Variants in POFUT3 observed in about 807,000 individuals in gnomAD.
POFUT3 encodes GDP-fucose protein O-fucosyltransferase 3.
At chr8:33,433,211 G>A in the POFUT3 span, among the ~76,000 whole-genome samples, 2 of 151,664 alleles carry the variant, frequency 1.3e-5, no homozygotes, top group Admixed American at 1.3e-4. Context: ...TTCACCTTGG[G>A]CAACCGAGTG....
chr8:33,464,953 C>T, the POFUT3 span, among the ~76,000 whole-genome samples: 7 of 152,124 alleles, frequency 4.6e-5, no homozygotes, highest in African/African-American at 1.2e-4. Context: ...TACCTTTGCT[C>T]CTACTTAGTA....
chr8:33,441,822 T>C, the POFUT3 span, among the ~76,000 whole-genome samples: 1 of 152,326 alleles, frequency 6.6e-6, no homozygotes, highest in East Asian at 1.9e-4. Context: ...TCGGAGAATA[T>C]GCCTAGACCT....
At chr8:33,465,209 A>G in the POFUT3 span, among the ~76,000 whole-genome samples, 1 of 152,196 alleles carries the variant, frequency 6.6e-6, no homozygotes, top group African/African-American at 2.4e-5. Flanking sequence ...CAGATTATGT[A>G]GTAAAATAAT....
chr8:33,347,460 A>G, the POFUT3 span, among the ~76,000 whole-genome samples: 1 of 152,202 alleles, frequency 6.6e-6, no homozygotes. Flanking sequence ...AGGCATTGGC[A>G]CATGAAAATA....
chr8:33,387,229 G>A, the POFUT3 span, among the ~76,000 whole-genome samples: 1 of 151,966 alleles, frequency 6.6e-6, no homozygotes, highest in Non-Finnish European at 1.5e-5. Context: ...TCATGTTGTG[G>A]ACCAAGACAG....
chr8:33,353,706 A>C, the POFUT3 span, among the ~76,000 whole-genome samples: 1 of 152,154 alleles, frequency 6.6e-6, no homozygotes. Flanking sequence ...AGCCAGCTGC[A>C]GTCAGAGGGA....
chr8:33,322,603 T>C, the POFUT3 span, among the ~76,000 whole-genome samples: 2 of 152,118 alleles, frequency 1.3e-5, no homozygotes, highest in African/African-American at 4.8e-5. Context: ...ATGCATATTA[T>C]ATACATAGTA....
chr8:33,314,040 C>G, the POFUT3 span, among the ~76,000 whole-genome samples: 1 of 152,162 alleles, frequency 6.6e-6, no homozygotes, highest in Non-Finnish European at 1.5e-5. Context: ...ATAACTCTGC[C>G]TACTTTATGC....
At chr8:33,454,715 T>A in the POFUT3 span, among the ~76,000 whole-genome samples, 3 of 150,444 alleles carry the variant, frequency 2.0e-5, no homozygotes, top group Admixed American at 2.0e-4. Context: ...CACTGTCACC[T>A]GGGTGCAGTG....
At chr8:33,439,702 C>T in the POFUT3 span, among the ~76,000 whole-genome samples, 1 of 151,680 alleles carries the variant, frequency 6.6e-6, no homozygotes, top group Non-Finnish European at 1.5e-5. Context: ...TCCGTCTCTA[C>T]TAAAAATACA....
chr8:33,436,911 CCCT>C, the POFUT3 span, among the ~76,000 whole-genome samples: 1 of 152,262 alleles, frequency 6.6e-6, no homozygotes, highest in South Asian at 2.1e-4. Context: ...TTTCCCCCCT[CCCT>C]CCTTCTCCCC....
At chr8:33,325,419 C>G in the POFUT3 span, among the ~76,000 whole-genome samples, 1 of 152,104 alleles carries the variant, frequency 6.6e-6, no homozygotes, top group Non-Finnish European at 1.5e-5. Flanking sequence ...GTTAACTGAG[C>G]CTGTGTCCTC....
the POFUT3 span, chr8:33,461,861 A>G: frequency 1.4e-5 from 5 of 346,420 alleles, no homozygotes; most frequent in South Asian, 2.4e-5. Flanking sequence ...TACCTCACTC[A>G]TAAGTAAGGA....
chr8:33,343,763 TA>T, the POFUT3 span, among the ~76,000 whole-genome samples: 10 of 152,366 alleles, frequency 6.6e-5, no homozygotes, highest in East Asian at 1.9e-3. Flanking sequence ...ATGAACATTC[TA>T]GAAGAGAAAA....
At chr8:33,435,464 C>G in the POFUT3 span, among the ~76,000 whole-genome samples, 2 of 151,822 alleles carry the variant, frequency 1.3e-5, no homozygotes. Context: ...GATCTGCCCA[C>G]CTCGGCCTCC....
At chr8:33,421,905 G>A in the POFUT3 span, among the ~76,000 whole-genome samples, 2 of 151,682 alleles carry the variant, frequency 1.3e-5, no homozygotes, top group African/African-American at 4.8e-5. Context: ...ATTAATGGGT[G>A]AAAGGCCCAC....
At chr8:33,443,193 A>G in the POFUT3 span, among the ~76,000 whole-genome samples, 1 of 152,248 alleles carries the variant, frequency 6.6e-6, no homozygotes. Flanking sequence ...AAAGAAGCCT[A>G]GGAATTACAT....
chr8:33,462,265 A>G, the POFUT3 span, among the ~76,000 whole-genome samples: 1 of 148,784 alleles, frequency 6.7e-6, no homozygotes, highest in Non-Finnish European at 1.5e-5. Flanking sequence ...TTCTGCTTCC[A>G]CTTAATGCTC....
At chr8:33,364,964 C>T in the POFUT3 span, among the ~76,000 whole-genome samples, 1 of 152,102 alleles carries the variant, frequency 6.6e-6, no homozygotes, top group Non-Finnish European at 1.5e-5. Context: ...CAATCTTAAG[C>T]CAAAAGAACA....
Sources: allele counts gnomAD v4.1 joint callset (sites outside exome capture counted in the v4.1 genomes callset), GRCh38; gene constraint gnomAD v4.1.1; transcripts MANE v1.5; gene names NCBI Gene and HGNC (gene_info 2026-07-23, HGNC 2026-07-21).